NEMP2: variants seen among roughly 807,000 people sequenced by gnomAD.
NEMP2 encodes nuclear envelope integral membrane protein 2.
NEMP2 carries 53 observed loss-of-function variants against 54.2 expected under a neutral mutation model. That is an observed-to-expected ratio of 0.98 (90% CI 0.78 to 1.23). NEMP2 has a LOEUF of 1.23. Among genes scored for constraint, NEMP2 ranks in the 50% most tolerant of loss-of-function variants. The probability of loss-of-function intolerance (pLI) is 0.00; values close to 1 mark genes in which losing one functional copy is unlikely to be tolerated. For synonymous variants in NEMP2, 197 were observed against 190.3 expected, an observed-to-expected ratio of 1.04 and a Z score of -0.29; for missense variants, 455 against 511.3, an observed-to-expected ratio of 0.89 and a Z score of 1.06.
chr2:190,549,561 A>C, the NEMP2 span, among the ~76,000 whole-genome samples: 1 of 152,100 alleles, frequency 6.6e-6, no homozygotes, highest in Non-Finnish European at 1.5e-5. Flanking sequence ...GTTTTTTTGA[A>C]TAATATTATC....
the NEMP2 span, among the ~76,000 whole-genome samples, chr2:190,461,992 A>C: frequency 6.6e-6 from 1 of 152,126 alleles, no homozygotes; most frequent in African/African-American, 2.4e-5. The surrounding 1 kb of genome is among the most constrained non-coding windows in gnomAD (Gnocchi z 5.5). Context: ...CTTTATTATT[A>C]TGTGATTATT....
At chr2:190,459,296 A>G in the NEMP2 span, among the ~76,000 whole-genome samples, 1 of 152,168 alleles carries the variant, frequency 6.6e-6, no homozygotes, top group Non-Finnish European at 1.5e-5. This position sits in a 1 kb window ranked among gnomAD's most constrained non-coding sequence, Gnocchi z 5.3. Context: ...CTTCAACCTG[A>G]GTTTCGATGA....
the NEMP2 span, chr2:190,609,453 C>T: frequency 6.6e-6 from 1 of 151,978 alleles, no homozygotes; most frequent in Non-Finnish European, 1.5e-5. This position sits in a 1 kb window ranked among gnomAD's most constrained non-coding sequence, Gnocchi z 4.7. Context: ...CTTCAGACCC[C>T]CCAATAAAAC....
rs1211419579 is a variant in NEMP2, at chr2:190,508,568, C to T, written c.*621G>A. The T allele has an allele frequency of 6.6e-6, 1 of 152,244 alleles. No individual in the cohort carries two copies. The highest frequency in any genetic ancestry group is 1.5e-5 in the Non-Finnish European group (1 of 68,046). 9.4% of individuals were successfully genotyped at this position (152,244 alleles called of 1,614,324 possible). On this transcript the variant is annotated 3_prime_UTR_variant, in exon 9 of 9. Transcript: ENST00000409150. This position sits in a 1 kb window ranked among gnomAD's most constrained non-coding sequence, Gnocchi z 4.3. ...AAAAGAGTTCTGTGGTCAAATTAAG[C>T]AAGAAACTGCAGCACACAATTTCTC...
chr2:190,595,315 A>G, the NEMP2 span, among the ~76,000 whole-genome samples: 1 of 152,364 alleles, frequency 6.6e-6, no homozygotes, highest in Admixed American at 6.5e-5. This position sits in a 1 kb window ranked among gnomAD's most constrained non-coding sequence, Gnocchi z 4.0. Flanking sequence ...AAGAAAACCT[A>G]GGCAATACCA....
chr2:190,469,902 C>G, the NEMP2 span: 1 of 1,417,992 alleles, frequency 7.1e-7, no homozygotes, highest in Non-Finnish European at 9.9e-7. The surrounding 1 kb of genome is among the most constrained non-coding windows in gnomAD (Gnocchi z 5.3). Flanking sequence ...CTTCCCTGAG[C>G]TGTGGCTAAA....
the NEMP2 span, among the ~76,000 whole-genome samples, chr2:190,544,425 TA>T: frequency 2.6e-5 from 4 of 151,490 alleles, no homozygotes; most frequent in East Asian, 3.8e-4. Flanking sequence ...AAGCTCTTGG[TA>T]AAAAAAAATT....
chr2:190,588,852 G>A, the NEMP2 span, among the ~76,000 whole-genome samples: 3 of 152,092 alleles, frequency 2.0e-5, no homozygotes, highest in South Asian at 2.1e-4. This position sits in a 1 kb window ranked among gnomAD's most constrained non-coding sequence, Gnocchi z 5.0. Context: ...CAAAATTCAC[G>A]GGCCTGTTGA....
At chr2:190,591,884 T>C in the NEMP2 span, among the ~76,000 whole-genome samples, 1 of 152,182 alleles carries the variant, frequency 6.6e-6, no homozygotes, top group Non-Finnish European at 1.5e-5. This position sits in a 1 kb window ranked among gnomAD's most constrained non-coding sequence, Gnocchi z 5.4. Flanking sequence ...GATACACAGA[T>C]GCTAAAATGT....
chr2:190,470,222 T>G, the NEMP2 span, among the ~76,000 whole-genome samples: 1 of 152,246 alleles, frequency 6.6e-6, no homozygotes, highest in South Asian at 2.1e-4. Context: ...AGGTTAACTA[T>G]AGTTACTGAA....
At chr2:190,592,097 T>C in the NEMP2 span, among the ~76,000 whole-genome samples, 2 of 152,180 alleles carry the variant, frequency 1.3e-5, no homozygotes, top group African/African-American at 4.8e-5. The surrounding 1 kb of genome is among the most constrained non-coding windows in gnomAD (Gnocchi z 4.4). Context: ...TTCTATGCAC[T>C]GTGAGGCTCA....
Position 190,533,517 on chromosome 2 carries a change from A to C in NEMP2, c.97+1042T>G, listed in dbSNP as rs939312546. ...AAATTTCTCTTCAATGAAAACTGGAATCCAACACTTCCCCAACATATAACT... is the reference window on the plus strand; with the variant it reads ...AAATTTCTCTTCAATGAAAACTGGACTCCAACACTTCCCCAACATATAACT... On this transcript the variant is annotated intron_variant, in intron 1 of 8. Transcript: ENST00000409150. This position sits in a 1 kb window ranked among gnomAD's most constrained non-coding sequence, Gnocchi z 4.3. 6.6e-6 allele frequency among the ~76,000 whole-genome samples: 1 copy of C among 152,216 alleles called. No homozygotes were observed. Among genetic ancestry groups the C allele is most frequent in the South Asian group, 2.1e-4 (1 of 4,832 alleles).
At chr2:190,563,288 C>T in the NEMP2 span, among the ~76,000 whole-genome samples, 82 of 152,172 alleles carry the variant, frequency 5.4e-4, no homozygotes, top group East Asian at 2.5e-3. The surrounding 1 kb of genome is among the most constrained non-coding windows in gnomAD (Gnocchi z 4.3). Context: ...CCCAGTGACC[C>T]GGCACCCACT....
At chr2:190,644,384 T>C in the NEMP2 span, among the ~76,000 whole-genome samples, 4 of 152,244 alleles carry the variant, frequency 2.6e-5, no homozygotes, top group African/African-American at 7.2e-5. This position sits in a 1 kb window ranked among gnomAD's most constrained non-coding sequence, Gnocchi z 4.4. Flanking sequence ...GAAGACAATG[T>C]GAAGGAGCAG....
chr2:190,554,838 C>T, the NEMP2 span, among the ~76,000 whole-genome samples: 5 of 152,288 alleles, frequency 3.3e-5, no homozygotes, highest in South Asian at 1.0e-3. This position sits in a 1 kb window ranked among gnomAD's most constrained non-coding sequence, Gnocchi z 5.7. Context: ...CAAGTGGGTC[C>T]CTGACACCCA....
the NEMP2 span, among the ~76,000 whole-genome samples, chr2:190,636,832 C>G: frequency 6.6e-6 from 1 of 152,240 alleles, no homozygotes; most frequent in African/African-American, 2.4e-5. Flanking sequence ...GGACACAGAA[C>G]CTGCAAGTGC....
chr2:190,511,552 AATT>A (rs1446108563), intron 7 of NEMP2, among the ~76,000 whole-genome samples: 7 of 143,698 alleles, frequency 4.9e-5, no homozygotes, highest in Non-Finnish European at 1.1e-4. Flanking sequence ...AATTAAATTT[AATT>A]TTTTTTTTTT....
chr2:190,621,968 A>G, the NEMP2 span, among the ~76,000 whole-genome samples: 3 of 152,160 alleles, frequency 2.0e-5, no homozygotes, highest in Admixed American at 2.0e-4. Flanking sequence ...TTAGCTGGGC[A>G]GGGTGGCATT....
the NEMP2 span, among the ~76,000 whole-genome samples, chr2:190,576,284 G>A: frequency 6.6e-6 from 1 of 152,032 alleles, no homozygotes. Flanking sequence ...ATTACTTTTT[G>A]TAATGTTTAT....
Sources: allele counts gnomAD v4.1 joint callset (sites outside exome capture counted in the v4.1 genomes callset), GRCh38; gene constraint gnomAD v4.1.1; non-coding constraint Gnocchi (gnomAD v3.1); transcripts MANE v1.5; gene names NCBI Gene and HGNC (gene_info 2026-07-23, HGNC 2026-07-21).